Variants in ADGRL3 observed in about 807,000 individuals in gnomAD.
The protein encoded by ADGRL3 is adhesion G protein-coupled receptor L3.
Under a neutral mutation model 153.5 loss-of-function variants are expected in ADGRL3, and 62 were observed. The observed-to-expected ratio is 0.40, with a 90% confidence interval of 0.33 to 0.50. The LOEUF is 0.50. Among genes scored for constraint, ADGRL3 ranks in the 20% least tolerant of loss-of-function variants. The probability of loss-of-function intolerance (pLI) is 0.47; values close to 1 mark genes in which losing one functional copy is unlikely to be tolerated. For missense variants in ADGRL3, 1,641 were observed against 1,859.4 expected, an observed-to-expected ratio of 0.88 and a Z score of 2.16; for synonymous variants, 710 against 672.5, an observed-to-expected ratio of 1.06 and a Z score of -0.86.
chr4:61,214,411 G>A lies in ADGRL3; in HGVS notation c.-240+12646G>A, dbSNP rs764010299. Among the ~76,000 whole-genome samples, 6 of 152,086 alleles carry A rather than the reference G, an allele frequency of 3.9e-5. No individual in the cohort carries two copies. In the Middle Eastern group the frequency reaches 0.01, roughly 259 times the overall value. On this transcript the variant is annotated intron_variant, in intron 1 of 26. Transcript: ENST00000683033. ...AACTTAATAAAACTTTTTCTTTACCGTACTTCTTATGGAACAAAAACAAAT... is the reference window on the plus strand; with the variant it reads ...AACTTAATAAAACTTTTTCTTTACCATACTTCTTATGGAACAAAAACAAAT...
At chr4:61,470,100 A>C (rs996517388) in intron 2 of ADGRL3, among the ~76,000 whole-genome samples, 3 of 152,086 alleles carry the variant, frequency 2.0e-5, no homozygotes, top group African/African-American at 7.2e-5. Context: ...ATTATAAATC[A>C]TACTCCTAAT....
chr4:61,872,855 C>G (rs1436099237), intron 9 of ADGRL3, among the ~76,000 whole-genome samples: 1 of 151,972 alleles, frequency 6.6e-6, no homozygotes, highest in Admixed American at 6.6e-5. Context: ...TTATTTAGGC[C>G]AAAAATTGTG....
chr4:61,657,518 C>G (rs2094473751), intron 5 of ADGRL3, among the ~76,000 whole-genome samples: 1 of 151,810 alleles, frequency 6.6e-6, no homozygotes, highest in African/African-American at 2.4e-5. Flanking sequence ...AGGTATTGTT[C>G]TCTCTATAGA....
intron 5 of ADGRL3, among the ~76,000 whole-genome samples, chr4:61,641,652 T>C (rs2093680022): frequency 6.6e-6 from 1 of 152,000 alleles, no homozygotes; most frequent in East Asian, 1.9e-4. Flanking sequence ...TTCCATGGTG[T>C]ATATGTGCCA....
intron 5 of ADGRL3, among the ~76,000 whole-genome samples, chr4:61,668,114 G>C (rs565195206): frequency 6.6e-6 from 1 of 152,244 alleles, no homozygotes; most frequent in South Asian, 2.1e-4. Context: ...GAGATGAGCT[G>C]ATTATCTTGG....
chr4:61,566,863 C>T (rs530035457), intron 4 of ADGRL3, among the ~76,000 whole-genome samples: 86 of 152,152 alleles, frequency 5.7e-4, no homozygotes, highest in African/African-American at 1.1e-3. Context: ...GAAATCTAAT[C>T]TATTTTCTCA....
rs537802273 is a variant in ADGRL3, at chr4:61,740,872, T to C, written c.1399+7318T>C. 3.0e-4 allele frequency among the ~76,000 whole-genome samples: 45 copies of C among 152,326 alleles called. No homozygotes were observed. The South Asian group carries it at 9.1e-3, about 31-fold the overall frequency. ...AAAGCCGTTTGAGATTATGTAAATATAACCATTCTTATGTACGCTAAAGAT... is the reference window on the plus strand; with the variant it reads ...AAAGCCGTTTGAGATTATGTAAATACAACCATTCTTATGTACGCTAAAGAT... On this transcript the variant is annotated intron_variant, in intron 8 of 26. Coordinates refer to ENST00000683033, the MANE Select transcript of ADGRL3 (RefSeq NM_001387552.1).
chr4:61,322,268 T>C (rs1173848033), intron 1 of ADGRL3, among the ~76,000 whole-genome samples: 1 of 152,198 alleles, frequency 6.6e-6, no homozygotes, highest in African/African-American at 2.4e-5. Flanking sequence ...CCTGCCACAA[T>C]ATGTGGGAAT....
At chr4:62,064,261 A>T (rs1481535681) in intron 25 of ADGRL3, among the ~76,000 whole-genome samples, 3 of 151,998 alleles carry the variant, frequency 2.0e-5, no homozygotes, top group Admixed American at 2.0e-4. Context: ...GCTATATGTT[A>T]AAAACAAGGC....
At chr4:61,305,134 G>A (rs1451588503) in intron 1 of ADGRL3, among the ~76,000 whole-genome samples, 1 of 151,236 alleles carries the variant, frequency 6.6e-6, no homozygotes, top group Non-Finnish European at 1.5e-5. Flanking sequence ...GGAATAATTT[G>A]AAGCACTGAA....
intron 2 of ADGRL3, among the ~76,000 whole-genome samples, chr4:61,472,302 A>C (rs1004708400): frequency 6.6e-6 from 1 of 152,014 alleles, no homozygotes; most frequent in Admixed American, 6.6e-5. Flanking sequence ...ATGATCTTAT[A>C]TTTTCTATGG....
intron 4 of ADGRL3, among the ~76,000 whole-genome samples, chr4:61,566,336 C>G (rs1337274236): frequency 6.6e-6 from 1 of 152,126 alleles, no homozygotes; most frequent in Non-Finnish European, 1.5e-5. Context: ...AGGGCCCACC[C>G]TAATGATCTC....
At position 61,939,091 on chromosome 4, in the gene ADGRL3, G is replaced by A. The variant is rs144575216; in HGVS notation, c.2419+3046G>A. Among the ~76,000 whole-genome samples the A allele has an allele frequency of 1.5e-4, 23 of 152,076 alleles. No homozygotes were observed. The East Asian group carries it at 3.7e-3, about 24-fold the overall frequency. On this transcript the variant is annotated intron_variant, in intron 15 of 26. Transcript: ENST00000683033. Reference sequence around the variant, plus strand: ...TTAAAAGACAATTCACTTCATAGAGGATTAGATTTAAGAGACTGTCATAAA... The same window carrying A: ...TTAAAAGACAATTCACTTCATAGAGAATTAGATTTAAGAGACTGTCATAAA...
intron 10 of ADGRL3, among the ~76,000 whole-genome samples, chr4:61,894,917 A>G (rs1443621076): frequency 6.6e-6 from 1 of 152,188 alleles, no homozygotes; most frequent in African/African-American, 2.4e-5. Context: ...ATGATAGACA[A>G]GGGAGTTTAT....
At chr4:61,250,462 A>T (rs1758794636) in intron 1 of ADGRL3, among the ~76,000 whole-genome samples, 1 of 152,134 alleles carries the variant, frequency 6.6e-6, no homozygotes, top group African/African-American at 2.4e-5. Flanking sequence ...GGTGCCTTTT[A>T]TATGTAGCCT....
At chr4:61,753,178 C>A (rs1027228995) in intron 8 of ADGRL3, among the ~76,000 whole-genome samples, 11 of 150,058 alleles carry the variant, frequency 7.3e-5, no homozygotes, top group Non-Finnish European at 1.0e-4. Context: ...CCTCCCCGAA[C>A]TCCTCTAGAT....
intron 8 of ADGRL3, among the ~76,000 whole-genome samples, chr4:61,764,762 T>C (rs545059152): frequency 6.6e-6 from 1 of 151,396 alleles, no homozygotes; most frequent in African/African-American, 2.4e-5. Flanking sequence ...GCGGTGAAAA[T>C]TTTTTGGGGG....
At chr4:62,063,070 A>G (rs1481929744) in intron 25 of ADGRL3, among the ~76,000 whole-genome samples, 9 of 152,024 alleles carry the variant, frequency 5.9e-5, no homozygotes, top group East Asian at 3.9e-4. Context: ...AAACAACCCA[A>G]TGGTTTCTGT....
intron 1 of ADGRL3, among the ~76,000 whole-genome samples, chr4:61,312,813 T>C (rs568881031): frequency 6.6e-6 from 1 of 152,168 alleles, no homozygotes; most frequent in Non-Finnish European, 1.5e-5. Context: ...CTTTGCAATA[T>C]GGTTTGACAG....
Sources: allele counts gnomAD v4.1 joint callset (sites outside exome capture counted in the v4.1 genomes callset), GRCh38; gene constraint gnomAD v4.1.1; transcripts MANE v1.5; gene names NCBI Gene and HGNC (gene_info 2026-07-23, HGNC 2026-07-21).